The following CFAP61 variants were observed in gnomAD, a reference collection of about 807,000 sequenced individuals.
The protein encoded by CFAP61 is cilia- and flagella-associated protein 61.
In CFAP61, 107 loss-of-function variants were observed where a neutral mutation model predicts 135.6. The ratio of observed to expected loss-of-function variants is 0.79; its 90% CI spans 0.67 to 0.93. CFAP61 has a LOEUF of 0.93. Among genes scored for constraint, CFAP61 ranks in the 40% least tolerant of loss-of-function variants. The pLI is 0.00. For synonymous variants in CFAP61, 575 were observed against 578.5 expected, an observed-to-expected ratio of 0.99 and a Z score of 0.09; for missense variants, 1,507 against 1,556.2, an observed-to-expected ratio of 0.97 and a Z score of 0.53.
At chr20:20,064,082 G>A (rs2045050667) in intron 2 of CFAP61, among the ~76,000 whole-genome samples, 1 of 135,752 alleles carries the variant, frequency 7.4e-6, no homozygotes, top group Non-Finnish European at 1.5e-5. Context: ...AAGACCCCCA[G>A]TGGATGTCTG....
In CFAP61 at chr20:20,228,248, G is replaced by T; in HGVS notation, c.1933-1G>T. The T allele has an allele frequency of 6.3e-7, 1 of 1,591,686 alleles. No individual in the cohort carries two copies. The highest frequency in any genetic ancestry group is 1.1e-5 in the South Asian group (1 of 88,616). ...TCTTTGTCTTCGTATTTTTTTTCCA[G>T]ATGAGTTATGCTTTAAACCATACAA... On this transcript the variant is annotated splice_acceptor_variant, in intron 17 of 26. Coordinates refer to ENST00000245957, the MANE Select transcript of CFAP61 (RefSeq NM_015585.4). LOFTEE classifies it high-confidence loss of function.
chr20:20,115,694 T>C (rs2049092243), intron 8 of CFAP61, among the ~76,000 whole-genome samples: 1 of 152,214 alleles, frequency 6.6e-6, no homozygotes, highest in South Asian at 2.1e-4. Context: ...GTGATATTTG[T>C]CTTTCTATGC....
intron 26 of CFAP61, among the ~76,000 whole-genome samples, chr20:20,353,280 G>T (rs906577215): frequency 3.3e-5 from 5 of 152,148 alleles, no homozygotes; most frequent in Admixed American, 2.6e-4. Flanking sequence ...TATGCTAAGT[G>T]AAAAGAGCCA....
chr20:20,241,321 G>A (rs1028189689), intron 18 of CFAP61, among the ~76,000 whole-genome samples: 2 of 152,088 alleles, frequency 1.3e-5, no homozygotes, highest in African/African-American at 4.8e-5. Context: ...CTTGAAGGTT[G>A]GAGAAAGGCC....
chr20:20,315,501 G>A (rs1469546050), intron 25 of CFAP61, among the ~76,000 whole-genome samples: 5 of 152,158 alleles, frequency 3.3e-5, no homozygotes, highest in African/African-American at 1.2e-4. Flanking sequence ...TGTTCACTCT[G>A]ATGGTAGTTT....
intron 6 of CFAP61, among the ~76,000 whole-genome samples, chr20:20,083,631 A>T (rs150977320): frequency 3.1e-3 from 477 of 152,348 alleles, no homozygotes; most frequent in African/African-American, 0.01. Flanking sequence ...TTAGAAATCC[A>T]CTTAAACTTG....
At chr20:20,268,231 G>T (rs1035260743) in intron 21 of CFAP61, among the ~76,000 whole-genome samples, 1 of 152,166 alleles carries the variant, frequency 6.6e-6, no homozygotes, top group Admixed American at 6.5e-5. Flanking sequence ...TAGTTTCATC[G>T]TGTCCCACTG....
chr20:20,107,201 A>G (rs530561595), intron 8 of CFAP61, among the ~76,000 whole-genome samples: 14 of 152,382 alleles, frequency 9.2e-5, no homozygotes, highest in African/African-American at 3.4e-4. Flanking sequence ...CGGCTAAGGA[A>G]GCAATTACTG....
chr20:20,147,949 A>G (rs981469747), intron 9 of CFAP61, among the ~76,000 whole-genome samples: 3 of 152,186 alleles, frequency 2.0e-5, no homozygotes, highest in Non-Finnish European at 2.9e-5. Context: ...ATGAGTATCC[A>G]GTTTCATTCT....
At chr20:20,193,368 T>A (rs2056057739) in intron 15 of CFAP61, among the ~76,000 whole-genome samples, 1 of 152,156 alleles carries the variant, frequency 6.6e-6, no homozygotes, top group Non-Finnish European at 1.5e-5. Flanking sequence ...TGTTGAATTT[T>A]ATCAAATGTG....
intron 21 of CFAP61, among the ~76,000 whole-genome samples, chr20:20,269,164 C>CACACATAT (rs372986717): frequency 8.9e-6 from 1 of 112,548 alleles, no homozygotes; most frequent in African/African-American, 3.2e-5. Context: ...CACACACACA[C>CACACATAT]ATACATATAT....
chr20:20,319,532 C>G (rs1251421852), intron 25 of CFAP61, among the ~76,000 whole-genome samples: 1 of 152,170 alleles, frequency 6.6e-6, no homozygotes, highest in African/African-American at 2.4e-5. Context: ...GTGCGTAGCA[C>G]CTCCCCTTCT....
rs2053618542 is a variant in CFAP61, at chr20:20,164,020, T to A, written c.1027-30T>A. ...AAATTACAGGGCATTGACAGGATTCTCATTGGCTCCTCCTGTCTCCTTGCT... is the reference window on the plus strand; with the variant it reads ...AAATTACAGGGCATTGACAGGATTCACATTGGCTCCTCCTGTCTCCTTGCT... On this transcript the variant is annotated intron_variant, in intron 10 of 26. Coordinates refer to ENST00000245957, the MANE Select transcript of CFAP61 (RefSeq NM_015585.4). 1.9e-6 allele frequency: 3 copies of A among 1,563,796 alleles called. No individual in the cohort carries two copies. The African/African-American group carries it at 4.1e-5, about 21-fold the overall frequency.
At chr20:20,098,553 G>A in intron 7 of CFAP61, 102 bp from the exon 8 acceptor site, 2 of 1,057,334 alleles carry the variant, frequency 1.9e-6, no homozygotes, top group East Asian at 2.6e-5. Flanking sequence ...AGGTTGCGGT[G>A]AGCCAAGATA....
At chr20:20,293,873 C>G (rs1481431149) in intron 24 of CFAP61, among the ~76,000 whole-genome samples, 2 of 152,154 alleles carry the variant, frequency 1.3e-5, no homozygotes, top group African/African-American at 4.8e-5. Context: ...GTGTGTTCAT[C>G]ATGAGAGCTG....
chr20:20,075,343 G>A (rs1224356998), intron 5 of CFAP61, 87 bp downstream of exon 5: 2 of 1,499,324 alleles, frequency 1.3e-6, no homozygotes, highest in Non-Finnish European at 1.9e-6. Context: ...TGAGAAATAA[G>A]AGTGGTCTCC....
chr20:20,173,865 G>A (rs1194644565), intron 13 of CFAP61, among the ~76,000 whole-genome samples: 2 of 152,150 alleles, frequency 1.3e-5, no homozygotes, highest in African/African-American at 4.8e-5. Flanking sequence ...AGGAGACATC[G>A]ATCTGACTGT....
At chr20:20,206,991 T>C (rs2056884443) in intron 17 of CFAP61, among the ~76,000 whole-genome samples, 1 of 152,232 alleles carries the variant, frequency 6.6e-6, no homozygotes, top group South Asian at 2.1e-4. Flanking sequence ...GTTCTTTCAG[T>C]TTCAGAAGTA....
chr20:20,269,146 T>TATATATATATATAC (rs1419572825), intron 21 of CFAP61, among the ~76,000 whole-genome samples: 2 of 85,598 alleles, frequency 2.3e-5, no homozygotes, highest in African/African-American at 7.9e-5. Context: ...TATATATATA[T>TATATATATATATAC]ACACACACAC....
Sources: gnomAD v4.1 joint callset for allele counts (sites outside exome capture counted in the v4.1 genomes callset) on GRCh38, gnomAD v4.1.1 for gene constraint, MANE v1.5 for transcripts, NCBI Gene and HGNC (gene_info 2026-07-23, HGNC 2026-07-21) for gene names.